Variants in NCOR2 observed in about 807,000 individuals in gnomAD.
NCOR2 encodes nuclear receptor corepressor 2, also known as CTG repeat protein 26.
In NCOR2, 81 loss-of-function variants were observed where a neutral mutation model predicts 262.9. That is an observed-to-expected ratio of 0.31 (90% confidence interval 0.26 to 0.37). The LOEUF is 0.37. NCOR2 is among the 10% of genes least tolerant of loss of function. NCOR2 has a pLI of 1.00. For synonymous variants in NCOR2, 1,659 were observed against 1,559.3 expected, an observed-to-expected ratio of 1.06 and a Z score of -1.51; for missense variants, 3,385 against 3,621.4, an observed-to-expected ratio of 0.93 and a Z score of 1.68.
At chr12:124,352,120 G>A (rs1023285618) in intron 27 of NCOR2, among the ~76,000 whole-genome samples, 1 of 152,206 alleles carries the variant, frequency 6.6e-6, no homozygotes, top group African/African-American at 2.4e-5. Context: ...CTAACAGTGT[G>A]GCACAATAGG....
At chr12:124,344,891 G>T (rs926308556) in exon 32 of NCOR2, 1 of 1,581,582 alleles carries the variant, frequency 6.3e-7, no homozygotes. Flanking sequence ...ATGAGGGAGC[G>T]TACGTCGTGC....
Position 124,549,725 on chromosome 12 carries a change from A to G in NCOR2, c.-164-14114T>C, listed in dbSNP as rs530240536. Among the ~76,000 whole-genome samples the G allele has an allele frequency of 5.3e-5, 8 of 152,310 alleles. No homozygotes were observed. The East Asian group carries it at 1.5e-3, about 29-fold the overall frequency. ...AGAAAACAGCCCGCCTGAAGGTGAC[A>G]GAGCGCCTCGCCGTATCACCAGCAA... is the stretch of plus-strand genomic sequence containing the variant. On this transcript the variant is annotated intron_variant, in intron 1 of 32. Coordinates refer to the NCOR2 transcript ENST00000458234. This position sits in a 1 kb window ranked among gnomAD's most constrained non-coding sequence, Gnocchi z 4.4.
At chr12:124,485,809 C>T (rs1161960160) in intron 2 of NCOR2, among the ~76,000 whole-genome samples, 2 of 152,216 alleles carry the variant, frequency 1.3e-5, no homozygotes, top group South Asian at 2.1e-4. Context: ...AGGCACAATT[C>T]CCCACACCTC....
intron 6 of NCOR2, among the ~76,000 whole-genome samples, chr12:124,452,353 A>G (rs1014522819): frequency 2.6e-5 from 4 of 152,228 alleles, no homozygotes; most frequent in Admixed American, 2.6e-4. Flanking sequence ...GGCCAGGTGC[A>G]AGCGGACATC....
At chr12:124,407,342 C>T (rs1027878755) in intron 13 of NCOR2, among the ~76,000 whole-genome samples, 1 of 152,170 alleles carries the variant, frequency 6.6e-6, no homozygotes, top group African/African-American at 2.4e-5. Flanking sequence ...ACATGCAGGG[C>T]GAGGGAAGGG....
At chr12:124,541,835 GGGGAGTGGAGATGGAGGGGGT>G (rs2051370909) in intron 1 of NCOR2, among the ~76,000 whole-genome samples, 6 of 53,208 alleles carry the variant, frequency 1.1e-4, no homozygotes, top group Admixed American at 1.6e-4. Context: ...GGAGGGGGAT[GGGGAGTGGAGATGGAGGGGGT>G]GGGGAGTGGA....
chr12:124,402,512 GGCTGCTGCTGCTGCTGCTGCTGCTGCT>G (rs35831183), exon 14 of NCOR2: 2 of 1,459,254 alleles, frequency 1.4e-6, no homozygotes, highest in Non-Finnish European at 1.9e-6. Flanking sequence ...GCGGGGCATG[GGCTGCTGCTGCTGCTGCTGCTGCTGCT>G]GCTGCTGCTG....
chr12:124,463,598 C>G (rs1382891139), intron 5 of NCOR2, among the ~76,000 whole-genome samples: 2 of 152,240 alleles, frequency 1.3e-5, no homozygotes, highest in South Asian at 4.1e-4. Flanking sequence ...GCCAGGCGGG[C>G]CCTGCCCGGC....
chr12:124,459,841 A>G (rs750254429), intron 5 of NCOR2, among the ~76,000 whole-genome samples: 24 of 152,166 alleles, frequency 1.6e-4, no homozygotes, highest in Admixed American at 9.2e-4. Context: ...CGCCAGGGTC[A>G]ACAGGGTCCC....
chr12:124,326,689 A>C (rs1359538305), intron 45 of NCOR2, among the ~76,000 whole-genome samples: 1 of 152,112 alleles, frequency 6.6e-6, no homozygotes, highest in African/African-American at 2.4e-5. Context: ...CTAAGCATGA[A>C]GCTGGGCTTC....
intron 16 of NCOR2, among the ~76,000 whole-genome samples, chr12:124,395,740 G>A (rs958653397): frequency 2.0e-5 from 3 of 152,162 alleles, no homozygotes; most frequent in African/African-American, 7.2e-5. Context: ...GTGACAACAC[G>A]AGACACGAGA....
exon 47 of NCOR2, chr12:124,324,596 TCAC>T (rs2034501083): frequency 6.6e-6 from 1 of 152,374 alleles, no homozygotes; most frequent in African/African-American, 2.4e-5. Context: ...AGTGATGGGG[TCAC>T]CGACTGTCGG....
chr12:124,450,262 C>T (rs1233299708), intron 6 of NCOR2, among the ~76,000 whole-genome samples: 1 of 152,218 alleles, frequency 6.6e-6, no homozygotes, highest in Non-Finnish European at 1.5e-5. Flanking sequence ...CGCGTCCCAA[C>T]GCTGCAAGAT....
chr12:124,333,199 G>A lies in NCOR2; in HGVS notation c.6686C>T (p.Thr2229Met), dbSNP rs774943647. 21 of 1,613,040 alleles carry A rather than the reference G, an allele frequency of 1.3e-5. No individual in the cohort carries two copies. In the Admixed American group the frequency reaches 1.3e-4, roughly 10 times the overall value. The change falls in exon 42 of 47, where the codon ACG becomes ATG. Residue 2229 changes from threonine (T) to methionine (M), a missense_variant. Physicochemically the swap from Thr to Met is moderately conservative, Grantham distance 81. This residue lies in a region of NCOR2 where 1,017 missense variants were observed against 967.2 expected (regional missense o/e 1.05). Coordinates refer to ENST00000405201, the Ensembl canonical transcript of NCOR2. ...AGCACTCCGGGAGTGCCCTGGCTCC[G>A]TCATGCCCTCCGGTGGGGACACAGG... is the stretch of plus-strand genomic sequence containing the variant.
chr12:124,342,029 T>G, exon 34 of NCOR2: 1 of 1,612,038 alleles, frequency 6.2e-7, no homozygotes, highest in Non-Finnish European at 8.5e-7. Flanking sequence ...CAGGTGCGGG[T>G]AGGTGGGGTT....
intron 46 of NCOR2, 192 bp downstream of exon 48, chr12:124,325,999 C>T (rs1266725585): frequency 5.2e-6 from 3 of 576,696 alleles, no homozygotes; most frequent in Non-Finnish European, 8.2e-6. Context: ...TCTGCCTGTG[C>T]CCCTGGCAGA....
At chr12:124,453,133 G>T (rs551961852) in intron 6 of NCOR2, among the ~76,000 whole-genome samples, 21 of 152,184 alleles carry the variant, frequency 1.4e-4, no homozygotes, top group African/African-American at 5.1e-4. Context: ...CGCAGGGCCC[G>T]AGGGGACTCC....
intron 16 of NCOR2, among the ~76,000 whole-genome samples, chr12:124,390,977 G>A (rs914199217): frequency 8.5e-5 from 13 of 152,240 alleles, no homozygotes; most frequent in African/African-American, 1.4e-4. Flanking sequence ...TTGGGGCCCC[G>A]CTGGGCTAAT....
At chr12:124,488,433 A>G (rs557951919) in intron 1 of NCOR2, among the ~76,000 whole-genome samples, 1 of 152,320 alleles carries the variant, frequency 6.6e-6, no homozygotes, top group South Asian at 2.1e-4. Context: ...CCTCTTTGAA[A>G]TGGGTGCCCA....
Sources: allele counts gnomAD v4.1 joint callset (sites outside exome capture counted in the v4.1 genomes callset), GRCh38; gene constraint gnomAD v4.1.1; regional missense constraint gnomAD v4.1.1; non-coding constraint Gnocchi (gnomAD v3.1); transcripts MANE v1.5; gene names NCBI Gene and HGNC (gene_info 2026-07-23, HGNC 2026-07-21).